The following DLG2 variants were observed in gnomAD, a reference collection of about 807,000 sequenced individuals.
The protein encoded by DLG2 is discs large MAGUK scaffold protein 2.
Under a neutral mutation model 132.5 loss-of-function variants are expected in DLG2, and 45 were observed. The observed-to-expected ratio is 0.34, with a 90% CI of 0.27 to 0.44. The LOEUF is 0.44. Among genes scored for constraint, DLG2 ranks in the 20% least tolerant of loss-of-function variants. The pLI is 1.00. For synonymous variants in DLG2, 424 were observed against 419.6 expected (o/e 1.01, Z -0.13); for missense variants, 1,045 against 1,196.9 (o/e 0.87, Z 1.87).
intron 6 of DLG2, among the ~76,000 whole-genome samples, chr11:85,052,691 T>C (rs975893805): frequency 1.3e-5 from 2 of 152,314 alleles, no homozygotes; most frequent in Admixed American, 1.3e-4. Flanking sequence ...TCTTTGTATC[T>C]TTACCTTGTG....
intron 3 of DLG2, among the ~76,000 whole-genome samples, chr11:85,505,634 A>G (rs570194841): frequency 2.6e-5 from 4 of 152,310 alleles, no homozygotes; most frequent in Admixed American, 2.6e-4. Flanking sequence ...TATTTTATTG[A>G]GGATTTTTGC....
chr11:84,891,970 A>T (rs1431816648), intron 6 of DLG2, among the ~76,000 whole-genome samples: 1 of 152,176 alleles, frequency 6.6e-6, no homozygotes, highest in Non-Finnish European at 1.5e-5. Context: ...ATTTCTCTAC[A>T]AGTCTTAATT....
chr11:84,242,399 T>A (rs2097242064), intron 8 of DLG2, among the ~76,000 whole-genome samples: 1 of 152,004 alleles, frequency 6.6e-6, no homozygotes, highest in Non-Finnish European at 1.5e-5. Flanking sequence ...ATCATCCCAA[T>A]CTAAATAGAA....
At chr11:85,503,410 A>G (rs1205824631) in intron 3 of DLG2, among the ~76,000 whole-genome samples, 1 of 152,068 alleles carries the variant, frequency 6.6e-6, no homozygotes, top group Non-Finnish European at 1.5e-5. Context: ...ACTTCTAACC[A>G]GTCTCCCTGT....
intron 8 of DLG2, among the ~76,000 whole-genome samples, chr11:84,176,505 T>C (rs116183216): frequency 1.3e-4 from 20 of 151,790 alleles, no homozygotes; most frequent in African/African-American, 4.6e-4. Flanking sequence ...CCCTGTTTTT[T>C]CTCTGTTAGA....
At chr11:84,600,221 A>T (rs1391519478) in intron 6 of DLG2, among the ~76,000 whole-genome samples, 1 of 133,776 alleles carries the variant, frequency 7.5e-6, no homozygotes, top group Non-Finnish European at 1.5e-5. Flanking sequence ...AGAAAGAAAG[A>T]AAGAGAAAGA....
At chr11:85,023,366 T>G (rs1471927344) in intron 6 of DLG2, among the ~76,000 whole-genome samples, 1 of 152,088 alleles carries the variant, frequency 6.6e-6, no homozygotes, top group Non-Finnish European at 1.5e-5. Flanking sequence ...AACATTTTCT[T>G]ATTTTAGACC....
At chr11:85,171,864 G>A (rs145809499) in intron 4 of DLG2, among the ~76,000 whole-genome samples, 157 of 152,354 alleles carry the variant, frequency 1.0e-3, no homozygotes, top group African/African-American at 3.6e-3. Context: ...CCAGACTGCT[G>A]CTTTAACTGA....
chr11:84,235,184 G>C (rs1360246665), intron 8 of DLG2, among the ~76,000 whole-genome samples: 1 of 152,144 alleles, frequency 6.6e-6, no homozygotes, highest in Non-Finnish European at 1.5e-5. Context: ...TCTTCAAGTT[G>C]TTCCACTTTT....
intron 15 of DLG2, among the ~76,000 whole-genome samples, chr11:83,899,581 T>A (rs1287952135): frequency 1.3e-5 from 2 of 152,138 alleles, no homozygotes; most frequent in Admixed American, 1.3e-4. Context: ...TCTCATGAGA[T>A]CTGATGGTAT....
intron 6 of DLG2, among the ~76,000 whole-genome samples, chr11:84,868,953 T>G (rs895025813): frequency 6.6e-6 from 1 of 152,076 alleles, no homozygotes; most frequent in African/African-American, 2.4e-5. Flanking sequence ...TTGACAAGAG[T>G]GACTAAACTA....
intron 3 of DLG2, among the ~76,000 whole-genome samples, chr11:85,490,737 C>G (rs1421020569): frequency 6.6e-6 from 1 of 151,952 alleles, no homozygotes; most frequent in East Asian, 1.9e-4. Context: ...TACAACCTCC[C>G]CAGATTCAAC....
At chr11:85,064,911 TC>T (rs2064678472) in intron 6 of DLG2, among the ~76,000 whole-genome samples, 1 of 151,560 alleles carries the variant, frequency 6.6e-6, no homozygotes, top group Non-Finnish European at 1.5e-5. Context: ...TCTCTTTCTC[TC>T]CTTCCCCACC....
intron 7 of DLG2, among the ~76,000 whole-genome samples, chr11:84,525,328 G>A (rs1390866303): frequency 6.6e-6 from 1 of 152,006 alleles, no homozygotes; most frequent in Non-Finnish European, 1.5e-5. Context: ...TCCCTCCCCT[G>A]CCATTCTAAA....
intron 6 of DLG2, among the ~76,000 whole-genome samples, chr11:85,092,961 G>A (rs1200413458): frequency 6.6e-6 from 1 of 152,034 alleles, no homozygotes; most frequent in Non-Finnish European, 1.5e-5. Context: ...TTTTGATATA[G>A]GCATGCAATG....
At chr11:84,290,226 A>T (rs2097971020) in intron 7 of DLG2, among the ~76,000 whole-genome samples, 1 of 152,164 alleles carries the variant, frequency 6.6e-6, no homozygotes, top group African/African-American at 2.4e-5. Context: ...AGATTGAGCA[A>T]AAGTTTTTGT....
At chr11:84,018,495 T>C (rs1229667708) in intron 11 of DLG2, among the ~76,000 whole-genome samples, 1 of 151,946 alleles carries the variant, frequency 6.6e-6, no homozygotes, top group Non-Finnish European at 1.5e-5. Flanking sequence ...GAAACAAAAT[T>C]GATAGAAATA....
At chr11:84,883,229 T>A (rs1600734785) in intron 6 of DLG2, among the ~76,000 whole-genome samples, 1 of 151,898 alleles carries the variant, frequency 6.6e-6, no homozygotes, top group East Asian at 1.9e-4. Flanking sequence ...AAACACCGCA[T>A]GTTATCACTC....
chr11:84,101,705 T>A (rs767472954), intron 9 of DLG2, among the ~76,000 whole-genome samples: 7 of 152,076 alleles, frequency 4.6e-5, no homozygotes, highest in Non-Finnish European at 1.5e-5. Flanking sequence ...GTATTTTCAA[T>A]GTAATTTGGG....
Sources: gnomAD v4.1 joint callset for allele counts (sites outside exome capture counted in the v4.1 genomes callset) on GRCh38, gnomAD v4.1.1 for gene constraint, MANE v1.5 for transcripts, NCBI Gene and HGNC (gene_info 2026-07-23, HGNC 2026-07-21) for gene names.